Variants in L2HGDH observed in about 807,000 individuals in gnomAD.
The protein encoded by L2HGDH is L-2-hydroxyglutarate dehydrogenase, mitochondrial.
A neutral mutation model predicts 51.5 loss-of-function variants in L2HGDH; 34 were observed. The observed-to-expected ratio is 0.66, with a 90% CI of 0.50 to 0.88. The LOEUF (loss-of-function observed/expected upper bound fraction) is 0.88, where lower values mean the gene tolerates loss of function less well. Among genes scored for constraint, L2HGDH ranks in the 40% least tolerant of loss-of-function variants. The probability of loss-of-function intolerance (pLI) is 0.00; values close to 1 mark genes in which losing one functional copy is unlikely to be tolerated. For synonymous variants in L2HGDH, 198 were observed against 197.9 expected (o/e 1.00, Z -0.01); for missense variants, 558 against 571.9 (o/e 0.98, Z 0.25).
At chr14:50,292,388 C>A (rs1160453162) in intron 4 of L2HGDH, among the ~76,000 whole-genome samples, 1 of 152,190 alleles carries the variant, frequency 6.6e-6, no homozygotes, top group East Asian at 1.9e-4. Flanking sequence ...AACGGAAGGC[C>A]TTACTCTACC....
intron 1 of L2HGDH, among the ~76,000 whole-genome samples, chr14:50,307,288 C>T (rs886622785): frequency 1.3e-5 from 2 of 152,180 alleles, no homozygotes; most frequent in Admixed American, 6.5e-5. Flanking sequence ...ACTGAATATG[C>T]TTTTTCCAAC....
Position 50,267,751 on chromosome 14 carries a change from A to G in L2HGDH, c.1064+2T>C. ...ATCATTTTTAAAAATAAATAATGTT[A>G]CCTATTGATAATTATATCCATAACA... On this transcript the variant is annotated splice_donor_variant, in intron 8 of 9. Coordinates refer to ENST00000267436, the MANE Select transcript of L2HGDH (RefSeq NM_024884.3). LOFTEE classifies it high-confidence loss of function. The G allele has an allele frequency of 6.3e-7, 1 of 1,599,876 alleles. No homozygotes were observed.
At chr14:50,268,399 A>G (rs1480959254) in intron 7 of L2HGDH, among the ~76,000 whole-genome samples, 1 of 151,214 alleles carries the variant, frequency 6.6e-6, no homozygotes, top group East Asian at 1.9e-4. Context: ...AAAAAAAAAA[A>G]AAGAAACTCT....
intron 8 of L2HGDH, 51 bp from the exon 9 acceptor site, chr14:50,265,540 G>A (rs764174681): frequency 1.5e-5 from 21 of 1,436,266 alleles, no homozygotes; most frequent in African/African-American, 4.3e-5. Context: ...TCTTTATTAC[G>A]TAAAATACCT....
rs1330312901 is a variant in L2HGDH, at chr14:50,269,933, C to CA, written c.739-604_739-603insT. ...TCCATAACATCTCTGGCACTGAAGT[C>CA]GAAGGGCCTGTAACCCTCTCATTTA... On this transcript the variant is annotated intron_variant, in intron 6 of 9. Coordinates refer to ENST00000267436, the MANE Select transcript of L2HGDH (RefSeq NM_024884.3). Among the ~76,000 whole-genome samples the CA allele has an allele frequency of 5.3e-5, 8 of 152,256 alleles. No individual in the cohort carries two copies. In the East Asian group the frequency reaches 1.2e-3, roughly 22 times the overall value.
chr14:50,261,931 G>A (rs1393615531), intron 9 of L2HGDH, among the ~76,000 whole-genome samples: 1 of 152,154 alleles, frequency 6.6e-6, no homozygotes, highest in African/African-American at 2.4e-5. Flanking sequence ...GCAATGAGAA[G>A]TCAACCTGGG....
rs1887974823 is a variant in L2HGDH, at chr14:50,245,985, T to C, written c.*1073A>G. The stretch of plus-strand genomic sequence containing the variant: ...AAAAATACAAAAAATTAGCCAGGCA[T>C]GGTGGTGGGCGCCTGTAATCCCAGC... On this transcript the variant is annotated 3_prime_UTR_variant, in exon 10 of 10. Transcript: ENST00000267436. 1 of 186,794 alleles carries C rather than the reference T, an allele frequency of 5.4e-6. No individual in the cohort carries two copies. Among genetic ancestry groups the C allele is most frequent in the Admixed American group, 6.5e-5 (1 of 15,298 alleles). 11.6% of individuals were successfully genotyped at this position (186,794 alleles called of 1,614,324 possible).
At chr14:50,262,619 C>T (rs1566509104) in intron 9 of L2HGDH, among the ~76,000 whole-genome samples, 2 of 151,858 alleles carry the variant, frequency 1.3e-5, no homozygotes, top group African/African-American at 2.4e-5. Context: ...CCAGAGGTAA[C>T]CACTCTCCTG....
chr14:50,311,037 A>G (rs1056197428), intron 1 of L2HGDH, among the ~76,000 whole-genome samples: 1 of 135,614 alleles, frequency 7.4e-6, no homozygotes, highest in African/African-American at 2.8e-5. Flanking sequence ...TCCGCCTCCC[A>G]GGTTCAAGCG....
Position 50,246,911 on chromosome 14 carries a change from T to A in L2HGDH, c.*147A>T. 1 of 1,319,386 alleles carries A rather than the reference T, an allele frequency of 7.6e-7. No individual in the cohort carries two copies. Among genetic ancestry groups the A allele is most frequent in the Non-Finnish European group, 1.0e-6 (1 of 987,830 alleles). 81.7% of individuals were successfully genotyped at this position (1,319,386 alleles called of 1,614,324 possible). A position where few individuals can be genotyped will look rare whatever the true frequency, so the allele number is the denominator to read the frequency against. ...CTAATTTTTGTAGAAAATTATTATT[T>A]CTATGTTACATCATTTTAACAATGC... On this transcript the variant is annotated 3_prime_UTR_variant, in exon 10 of 10. Transcript: ENST00000267436.
rs751817800 is a variant in L2HGDH at position 50,267,715 on chromosome 14, A to C, written c.1064+38T>G. ...ACAAAACTTCCCACATTGAAAATAT[A>C]AGCACATAAAATCATTTTTAAAAAT... is the stretch of plus-strand genomic sequence containing the variant. On this transcript the variant is annotated intron_variant, in intron 8 of 9. Coordinates refer to ENST00000267436, the MANE Select transcript of L2HGDH (RefSeq NM_024884.3). 6.0e-6 allele frequency: 9 copies of C among 1,490,052 alleles called. No individual in the cohort carries two copies. In the East Asian group the frequency reaches 2.1e-4, roughly 36 times the overall value. The allele number at this position is 1,490,052 out of a possible 1,614,324, so 92.3% of individuals were successfully genotyped here.
At chr14:50,287,811 C>T (rs1890648255) in intron 4 of L2HGDH, among the ~76,000 whole-genome samples, 1 of 150,464 alleles carries the variant, frequency 6.6e-6, no homozygotes, top group South Asian at 2.1e-4. Flanking sequence ...GATTCTCCTG[C>T]CTCAGCCTCC....
chr14:50,251,248 G>A (rs1400384906), intron 9 of L2HGDH, among the ~76,000 whole-genome samples: 3 of 151,638 alleles, frequency 2.0e-5, no homozygotes, highest in Non-Finnish European at 2.9e-5. Flanking sequence ...ATATATCAGA[G>A]TCTCAATAGC....
At chr14:50,270,627 C>T (rs1242239054) in intron 6 of L2HGDH, among the ~76,000 whole-genome samples, 1 of 152,146 alleles carries the variant, frequency 6.6e-6, no homozygotes, top group Admixed American at 6.5e-5. Flanking sequence ...CTGCCTCAGC[C>T]TTCCGAGTAG....
chr14:50,309,880 T>A (rs1472740036), intron 1 of L2HGDH, among the ~76,000 whole-genome samples: 5 of 151,660 alleles, frequency 3.3e-5, no homozygotes, highest in Admixed American at 1.3e-4. Flanking sequence ...AGAGCAGGGG[T>A]TTTGCCGTCT....
intron 6 of L2HGDH, among the ~76,000 whole-genome samples, chr14:50,272,143 A>G (rs972991413): frequency 2.6e-5 from 4 of 152,220 alleles, no homozygotes; most frequent in Admixed American, 1.3e-4. Context: ...TGTCTCAAAA[A>G]GAAAAAATTT....
rs950236286 is a variant in L2HGDH at position 50,294,228 on chromosome 14, G to A, written c.427C>T (p.Gln143Ter). Residue 143 changes from glutamine (Q) to a stop codon, truncating the protein, a stop_gained, in exon 4 of 10, where the codon CAA becomes TAA. Coordinates refer to ENST00000267436, the MANE Select transcript of L2HGDH (RefSeq NM_024884.3). LOFTEE classifies it high-confidence loss of function. ...QCGKLIVAVE[Q>*]EEIPRLQALY... ...GCCTGAAGTCTGGGAATTTCTTCTT[G>A]TTCAACAGCTACTATAAGCTTCAAA... is the stretch of plus-strand genomic sequence containing the variant. 1 of 1,611,780 alleles carries A rather than the reference G, an allele frequency of 6.2e-7. No individual in the cohort carries two copies. The highest frequency in any genetic ancestry group is 1.3e-5 in the African/African-American group (1 of 74,564).
rs1889525994 is a variant in L2HGDH at position 50,269,230 on chromosome 14, G to A, written c.839C>T (p.Pro280Leu). 1 of 1,613,722 alleles carries A rather than the reference G, an allele frequency of 6.2e-7. No individual in the cohort carries two copies. The highest frequency in any genetic ancestry group is 1.1e-5 in the South Asian group (1 of 91,068). Reference protein sequence around the residue: ...SGCTPDPRIVPFRGDYLLLKP... With the variant: ...SGCTPDPRIVLFRGDYLLLKP... ...CAAAAGCAGGTAATCTCCCCGGAAT[G>A]GTACAATTCGAGGATCAGGAGTGCA... The change falls in exon 7 of 10, where the codon CCA becomes CTA. Residue 280 changes from proline (P) to leucine (L), a missense_variant. Physicochemically the swap from Pro to Leu is moderately conservative, Grantham distance 98. Around this residue, in one of 3 missense-constraint regions of L2HGDH, gnomAD observed 321 missense variants for 311.8 expected, o/e 1.03. Transcript: ENST00000267436.
chr14:50,260,324 G>A (rs965184276), intron 9 of L2HGDH, among the ~76,000 whole-genome samples: 2 of 152,154 alleles, frequency 1.3e-5, no homozygotes, highest in Admixed American at 1.3e-4. Context: ...ATAGACCCAA[G>A]ATTTCTTTTT....
Sources: gnomAD v4.1 joint callset for allele counts (sites outside exome capture counted in the v4.1 genomes callset) on GRCh38, gnomAD v4.1.1 for gene constraint, gnomAD v4.1.1 regional missense constraint, MANE v1.5 for transcripts, NCBI Gene and HGNC (gene_info 2026-07-23, HGNC 2026-07-21) for gene names.